Variants in ASXL2 observed in about 807,000 individuals in gnomAD.
ASXL2 encodes ASXL transcriptional regulator 2, also known as putative Polycomb group protein ASXL2.
Under a neutral mutation model 122.0 loss-of-function variants are expected in ASXL2, and 23 were observed. The ratio of observed to expected loss-of-function variants is 0.19; its 90% confidence interval spans 0.14 to 0.27. The LOEUF is 0.27. ASXL2 is among the 10% of genes least tolerant of loss of function. The pLI, the probability that ASXL2 is intolerant of heterozygous loss-of-function variation, is 1.00. For missense variants in ASXL2, 1,518 were observed against 1,713.8 expected (o/e 0.89, Z 2.02); for synonymous variants, 650 against 637.0 (o/e 1.02, Z -0.31).
At chr2:25,835,882 T>G (rs979968090) in intron 2 of ASXL2, among the ~76,000 whole-genome samples, 1 of 152,232 alleles carries the variant, frequency 6.6e-6, no homozygotes, top group Non-Finnish European at 1.5e-5. Flanking sequence ...ATTCTTCCCA[T>G]GCATTTCAAT....
chr2:25,782,706 C>CCA (rs2088665293), intron 5 of ASXL2, among the ~76,000 whole-genome samples: 1 of 152,166 alleles, frequency 6.6e-6, no homozygotes, highest in Non-Finnish European at 1.5e-5. Flanking sequence ...AAAGAGAAAT[C>CCA]CACCAATTCT....
intron 3 of ASXL2, among the ~76,000 whole-genome samples, chr2:25,824,046 G>A (rs1040474671): frequency 1.1e-4 from 16 of 152,148 alleles, no homozygotes; most frequent in African/African-American, 3.9e-4. Context: ...GGAAAAGAAA[G>A]TGTTGTGATT....
chr2:25,807,940 G>A (rs1054212645), intron 3 of ASXL2, among the ~76,000 whole-genome samples: 4 of 149,660 alleles, frequency 2.7e-5, no homozygotes, highest in African/African-American at 1.0e-4. Context: ...TGAATCCCAT[G>A]CCCAGCCCGG....
At chr2:25,809,803 G>T in intron 3 of ASXL2, 1 of 429,978 alleles carries the variant, frequency 2.3e-6, no homozygotes, top group Non-Finnish European at 4.5e-6. Flanking sequence ...AGACACAGGG[G>T]AGGTGGGGGC....
intron 6 of ASXL2, among the ~76,000 whole-genome samples, chr2:25,770,854 C>G (rs1425525459): frequency 2.0e-5 from 3 of 152,134 alleles, no homozygotes; most frequent in African/African-American, 7.2e-5. Context: ...AATTCAATAC[C>G]TATTCATGAT....
At position 25,735,537 on chromosome 2, in the gene ASXL2, C is replaced by A. The variant is rs947073894; in HGVS notation, c.*6492G>T. 6.6e-6 allele frequency: 1 copy of A among 152,178 alleles called. No individual in the cohort carries two copies. Among genetic ancestry groups the A allele is most frequent in the African/African-American group, 2.4e-5 (1 of 41,454 alleles). The allele number at this position is 152,178 out of a possible 1,614,324, so 9.4% of individuals were successfully genotyped here. Reference sequence around the variant, plus strand: ...AATTCCAAATGAAGAGATACAGTTACTTATCATCTATAAGATGAAAATCAT... The same window carrying A: ...AATTCCAAATGAAGAGATACAGTTAATTATCATCTATAAGATGAAAATCAT... On this transcript the variant is annotated 3_prime_UTR_variant, in exon 13 of 13. Transcript: ENST00000435504.
In ASXL2 at chr2:25,742,169, C is replaced by T. The variant is rs752619832; in HGVS notation, c.4168G>A (p.Glu1390Lys). The T allele has an allele frequency of 3.1e-6, 5 of 1,613,928 alleles. No individual in the cohort carries two copies. The highest frequency in any genetic ancestry group is 4.2e-6 in the Non-Finnish European group (5 of 1,179,912). ...QTIPVQAFSE[E>K]NSIEGTPSKC... Reference sequence around the variant, plus strand: ...GAAGGCGTGCCCTCTATGCTGTTCTCTTCGGAGAACGCCTGAACAGGAATG... The same window carrying T: ...GAAGGCGTGCCCTCTATGCTGTTCTTTTCGGAGAACGCCTGAACAGGAATG... Residue 1390 changes from glutamate (E) to lysine (K), a missense_variant, in exon 13 of 13, where the codon GAG (glutamate) becomes AAG (lysine). Transcript: ENST00000435504.
At chr2:25,856,261 C>T (rs548608538) in intron 1 of ASXL2, among the ~76,000 whole-genome samples, 2 of 150,776 alleles carry the variant, frequency 1.3e-5, no homozygotes, top group African/African-American at 2.4e-5. Context: ...TTCACCATGT[C>T]GGCCAGGCTG....
In ASXL2 at chr2:25,803,063, C is replaced by T. The variant is rs560697820; in HGVS notation, c.252+3166G>A. On this transcript the variant is annotated intron_variant, in intron 4 of 12. Coordinates refer to ENST00000435504, the MANE Select transcript of ASXL2 (RefSeq NM_018263.6). The stretch of plus-strand genomic sequence containing the variant: ...AGGAGAACTGCTTGAACCCGGGAGG[C>T]GGAGGTTGCAGTGAGCTGAAATTGC... 1.0e-3 allele frequency among the ~76,000 whole-genome samples: 155 copies of T among 152,238 alleles called. 1 individual carries two copies. Among genetic ancestry groups the T allele is most frequent in the Non-Finnish European group, 1.8e-3 (122 of 68,028 alleles).
chr2:25,767,316 G>T (rs769175273), intron 8 of ASXL2, among the ~76,000 whole-genome samples: 2 of 152,188 alleles, frequency 1.3e-5, no homozygotes, highest in Non-Finnish European at 2.9e-5. Context: ...AGTTTGTTAA[G>T]AGGAAGACAG....
At chr2:25,840,813 C>A (rs1290657004) in intron 2 of ASXL2, among the ~76,000 whole-genome samples, 4 of 152,022 alleles carry the variant, frequency 2.6e-5, no homozygotes, top group Admixed American at 2.6e-4. Context: ...ATTTTAAAAT[C>A]AAACAAAAAT....
intron 2 of ASXL2, among the ~76,000 whole-genome samples, chr2:25,844,821 G>C (rs2089631388): frequency 6.6e-6 from 1 of 151,958 alleles, no homozygotes; most frequent in Admixed American, 6.6e-5. Context: ...ATTTTTCGTA[G>C]AGATGAGGTT....
chr2:25,788,361 T>C (rs2088780293), intron 5 of ASXL2, among the ~76,000 whole-genome samples: 1 of 152,232 alleles, frequency 6.6e-6, no homozygotes, highest in Non-Finnish European at 1.5e-5. Context: ...AGTACCCAAA[T>C]TCATTTATCC....
chr2:25,843,391 G>A (rs1321887703), intron 2 of ASXL2, among the ~76,000 whole-genome samples: 5 of 151,634 alleles, frequency 3.3e-5, no homozygotes, highest in African/African-American at 7.3e-5. Context: ...GGCCTGCCTC[G>A]GCCTCCCAAA....
At chr2:25,820,622 G>A (rs1329968610) in intron 3 of ASXL2, among the ~76,000 whole-genome samples, 1 of 152,184 alleles carries the variant, frequency 6.6e-6, no homozygotes, top group Non-Finnish European at 1.5e-5. Context: ...CCCGTATCCA[G>A]TATGAGAGAT....
chr2:25,834,627 A>G (rs72801863), intron 3 of ASXL2, among the ~76,000 whole-genome samples: 6,461 of 152,244 alleles, frequency 0.042, 213 homozygotes, highest in African/African-American at 0.08. Context: ...ATACATGGGC[A>G]TGACTGTTGC....
At chr2:25,765,309 C>A (rs1255702998) in intron 8 of ASXL2, among the ~76,000 whole-genome samples, 5 of 151,862 alleles carry the variant, frequency 3.3e-5, no homozygotes, top group African/African-American at 9.7e-5. Flanking sequence ...CACAGTGAAA[C>A]CCCGTCTCTA....
At chr2:25,863,648 G>T (rs777796863) in intron 1 of ASXL2, among the ~76,000 whole-genome samples, 1 of 151,198 alleles carries the variant, frequency 6.6e-6, no homozygotes, top group African/African-American at 2.4e-5. Flanking sequence ...AGCCGAGATC[G>T]CGCCACTGCA....
intron 3 of ASXL2, among the ~76,000 whole-genome samples, chr2:25,806,656 AG>A (rs2089086725): frequency 1.3e-5 from 2 of 152,224 alleles, no homozygotes; most frequent in Admixed American, 1.3e-4. Context: ...AAATGTCCAG[AG>A]GTAAAATGAG....
Sources: allele counts gnomAD v4.1 joint callset (sites outside exome capture counted in the v4.1 genomes callset), GRCh38; gene constraint gnomAD v4.1.1; transcripts MANE v1.5; gene names NCBI Gene and HGNC (gene_info 2026-07-23, HGNC 2026-07-21).